Variants in COL22A1 observed in about 807,000 individuals in gnomAD.
COL22A1 encodes collagen type XXII alpha 1 chain.
In COL22A1, 221 loss-of-function variants were observed where a neutral mutation model predicts 248.9. The observed-to-expected ratio is 0.89, with a 90% CI of 0.80 to 0.99. The LOEUF is 0.99. Ranked by LOEUF, COL22A1 falls within the 50% of genes least tolerant of loss-of-function variation. The pLI is 0.00. For missense variants in COL22A1, 2,240 were observed against 2,179.0 expected (o/e 1.03, Z -0.56); for synonymous variants, 891 against 793.4 (o/e 1.12, Z -2.07).
chr8:138,834,588 G>A (rs749690148), intron 4 of COL22A1, among the ~76,000 whole-genome samples: 16 of 151,888 alleles, frequency 1.1e-4, no homozygotes, highest in Non-Finnish European at 2.2e-4. Flanking sequence ...TATCTTTGCT[G>A]GGTGACCTTA....
chr8:138,700,116 A>C lies in COL22A1; in HGVS notation c.2588T>G (p.Met863Arg), dbSNP rs753533177. The change falls in exon 32 of 65, where the codon ATG (methionine) becomes AGG (arginine). Residue 863 changes from methionine (M) to arginine (R), a missense_variant. By Grantham distance (91) the Met-to-Arg change is moderately conservative. Transcript: ENST00000303045. ...CGAGGCACCGCTACTACTTACGGGC[A>C]TCCGTGGATGTGGTGTGAACAGGGA... The part of the protein sequence containing the change: ...TTSLFTPHPR[M>R]PGEQGPKGEK... The C allele has an allele frequency of 8.7e-6, 14 of 1,613,396 alleles. No homozygotes were observed. Among genetic ancestry groups the C allele is most frequent in the African/African-American group, 2.7e-5 (2 of 74,934 alleles).
Position 138,730,711 on chromosome 8 carries a change from AG to A in COL22A1, c.2140-5272del, listed in dbSNP as rs1830647826. Among the ~76,000 whole-genome samples the A allele has an allele frequency of 6.6e-5, 10 of 152,310 alleles. No homozygotes were observed. In the South Asian group the frequency reaches 2.1e-3, roughly 32 times the overall value. ...AAGAATGAAAACAGAGAGACAAAAG[AG>A]GTGCTCGAAGGCCACGGAGCTCAGA... On this transcript the variant is annotated intron_variant, in intron 23 of 64. Coordinates refer to ENST00000303045, the MANE Select transcript of COL22A1 (RefSeq NM_152888.3).
chr8:138,640,339 T>C (rs189316146), intron 47 of COL22A1, among the ~76,000 whole-genome samples: 164 of 152,276 alleles, frequency 1.1e-3, no homozygotes, highest in African/African-American at 3.7e-3. Context: ...ATGAACACAC[T>C]GAACAGGCAA....
At chr8:138,615,259 AG>A in intron 55 of COL22A1, among the ~76,000 whole-genome samples, 1 of 152,328 alleles carries the variant, frequency 6.6e-6, no homozygotes, top group African/African-American at 2.4e-5. Flanking sequence ...GGCCTGGCAC[AG>A]TGGCTCACGC....
chr8:138,815,713 G>A lies in COL22A1; in HGVS notation c.1246-2694C>T, dbSNP rs144500421. ...CAAGGTCTCCTGTCTCCTGTCCTTC[G>A]CTGGAGCAGTCCGACTCATAAAAGT... On this transcript the variant is annotated intron_variant, in intron 7 of 64. Coordinates refer to ENST00000303045, the MANE Select transcript of COL22A1 (RefSeq NM_152888.3). 2.6e-3 allele frequency among the ~76,000 whole-genome samples: 389 copies of A among 152,278 alleles called. 5 individuals are homozygous for A. The highest frequency in any genetic ancestry group is 8.9e-3 in the African/African-American group (371 of 41,546).
intron 47 of COL22A1, among the ~76,000 whole-genome samples, chr8:138,643,515 C>T (rs191705433): frequency 3.2e-3 from 484 of 152,096 alleles, no homozygotes; most frequent in African/African-American, 0.01. Flanking sequence ...CACCCTTTTC[C>T]AGGGCTGGGC....
intron 12 of COL22A1, among the ~76,000 whole-genome samples, chr8:138,782,343 G>T (rs1000636121): frequency 2.6e-5 from 4 of 152,198 alleles, no homozygotes; most frequent in African/African-American, 7.2e-5. Flanking sequence ...TCAGCCTCCT[G>T]TGTAGCTCGG....
intron 36 of COL22A1, among the ~76,000 whole-genome samples, chr8:138,689,828 G>A (rs966758379): frequency 2.0e-5 from 3 of 152,208 alleles, no homozygotes; most frequent in African/African-American, 7.2e-5. Flanking sequence ...CAGGACGTAC[G>A]CTCAGAGCGA....
In COL22A1 at chr8:138,602,145, C is replaced by T. The variant is rs1464248392; in HGVS notation, c.4155G>A (p.Lys1385=). 6.2e-7 allele frequency: 1 copy of T among 1,614,168 alleles called. No individual in the cohort carries two copies. The highest frequency in any genetic ancestry group is 8.5e-7 in the Non-Finnish European group (1 of 1,180,032). The change falls in exon 60 of 65, where the codon AAG becomes AAA. Residue 1385 remains lysine (K), a synonymous_variant. Transcript: ENST00000303045. ...CTCCTTTGAATCCAGGCTCTCCAGG[C>T]TTCCCAGGGACCCCCTGCAAGGAGA... ...GVPGKEGVPG[K]PGEPGFKGER... is the part of the protein sequence containing the mutation.
At chr8:138,668,997 G>T (rs189466466) in intron 41 of COL22A1, among the ~76,000 whole-genome samples, 97 of 152,338 alleles carry the variant, frequency 6.4e-4, no homozygotes, top group Admixed American at 1.2e-3. Context: ...GCAAAGAGGA[G>T]AAGTCAGACT....
intron 3 of COL22A1, among the ~76,000 whole-genome samples, chr8:138,855,135 T>C (rs1203095058): frequency 6.6e-6 from 1 of 152,144 alleles, no homozygotes; most frequent in African/African-American, 2.4e-5. Flanking sequence ...AAGGATGGGA[T>C]AAAAGAAAAT....
intron 44 of COL22A1, among the ~76,000 whole-genome samples, chr8:138,657,962 T>C (rs745331575): frequency 8.8e-6 from 1 of 113,102 alleles, no homozygotes; most frequent in Non-Finnish European, 1.7e-5. Flanking sequence ...TTTTTTACTG[T>C]TTTTTTCCCC....
intron 38 of COL22A1, among the ~76,000 whole-genome samples, chr8:138,684,814 T>C (rs10111891): frequency 0.013 from 2,016 of 152,312 alleles, 40 homozygotes; most frequent in African/African-American, 0.046. Context: ...GCTGAAGGGC[T>C]TTGGCACTCA....
rs1253694793 is a variant in COL22A1, at chr8:138,725,426, G to A, written c.2154C>T (p.Pro718=). 6 of 1,613,952 alleles carry A rather than the reference G, an allele frequency of 3.7e-6. No individual in the cohort carries two copies. Among genetic ancestry groups the A allele is most frequent in the Non-Finnish European group, 5.1e-6 (6 of 1,179,964 alleles). The change falls in exon 24 of 65, where the codon CCC becomes CCT. Residue 718 remains proline (P), a synonymous_variant. Coordinates refer to ENST00000303045, the MANE Select transcript of COL22A1 (RefSeq NM_152888.3). ...GTCCAGGGGGGCCTGGGACACCAGG[G>A]GGTCCTGGAGGGCCCTGTAGAGAAA... ...GLLGLQGPPG[P]PGVPGPPGPG... is the part of the protein sequence containing the mutation.
At chr8:138,887,675 A>T (rs752216131) in intron 1 of COL22A1, among the ~76,000 whole-genome samples, 11 of 152,206 alleles carry the variant, frequency 7.2e-5, no homozygotes, top group Non-Finnish European at 1.5e-4. Flanking sequence ...CATTTTATTT[A>T]TTTAATATGC....
intron 30 of COL22A1, among the ~76,000 whole-genome samples, chr8:138,706,281 G>A (rs139555472): frequency 0.043 from 6,586 of 152,232 alleles, 196 homozygotes; most frequent in East Asian, 0.12. Context: ...TCTGCACCAA[G>A]CAGACCTAAT....
Position 138,772,730 on chromosome 8 carries a change from G to T in COL22A1, c.1803+3236C>A, listed in dbSNP as rs1012082669. On this transcript the variant is annotated intron_variant, in intron 16 of 64. Coordinates refer to ENST00000303045, the MANE Select transcript of COL22A1 (RefSeq NM_152888.3). ...AGTTTTATTAGCCAGGTGTGGTGGC[G>T]CATGCCTGTAGTCCCAGCTACTCAG... Among the ~76,000 whole-genome samples the T allele has an allele frequency of 2.0e-5, 3 of 152,154 alleles. No homozygotes were observed. The South Asian group carries it at 6.2e-4, about 32-fold the overall frequency.
chr8:138,795,918 G>T (rs534997221), intron 12 of COL22A1, among the ~76,000 whole-genome samples: 143 of 152,174 alleles, frequency 9.4e-4, no homozygotes, highest in African/African-American at 3.2e-3. Context: ...CTATGCAAGG[G>T]ACTAATGTGA....
chr8:138,863,143 C>T (rs1460474824), intron 3 of COL22A1, among the ~76,000 whole-genome samples: 1 of 152,178 alleles, frequency 6.6e-6, no homozygotes, highest in East Asian at 1.9e-4. Context: ...TTTACTATTT[C>T]TCAGTGCAGG....
Sources: gnomAD v4.1 joint callset for allele counts (sites outside exome capture counted in the v4.1 genomes callset) on GRCh38, gnomAD v4.1.1 for gene constraint, MANE v1.5 for transcripts, NCBI Gene and HGNC (gene_info 2026-07-23, HGNC 2026-07-21) for gene names.